TTC6: variants seen among roughly 807,000 people sequenced by gnomAD.
The protein encoded by TTC6 is tetratricopeptide repeat domain 6, also known as tetratricopeptide repeat protein 6.
A neutral mutation model predicts 210.4 loss-of-function variants in TTC6; 172 were observed. That is an observed-to-expected ratio of 0.82 (90% CI 0.72 to 0.93). The LOEUF (loss-of-function observed/expected upper bound fraction) is 0.93, where lower values mean the gene tolerates loss of function less well. Among genes scored for constraint, TTC6 ranks in the 40% least tolerant of loss-of-function variants. The pLI is 0.00. For synonymous variants in TTC6, 804 were observed against 819.6 expected (o/e 0.98, Z 0.32); for missense variants, 2,414 against 2,318.1 (o/e 1.04, Z -0.85).
chr14:37,781,199 G>A (rs748771833), intron 14 of TTC6, among the ~76,000 whole-genome samples: 5 of 152,224 alleles, frequency 3.3e-5, no homozygotes, highest in African/African-American at 7.2e-5. Flanking sequence ...TTGAGGAATT[G>A]CCACACTGTC....
At position 37,622,567 on chromosome 14, in the gene TTC6, A is replaced by G. The variant is rs566359483; in HGVS notation, c.503A>G (p.Glu168Gly). 11 of 1,534,406 alleles carry G rather than the reference A, an allele frequency of 7.2e-6. No homozygotes were observed. In the East Asian group the frequency reaches 2.7e-4, roughly 38 times the overall value. ...AAGCGCAGAGCGCGCGGGGTCTTGG[A>G]GAGCTCGCGGCACGCGGCTCCCAGG... The change falls in exon 1 of 31, where the codon GAG becomes GGG. Residue 168 changes from glutamate (E) to glycine (G), a missense_variant. Transcript: ENST00000553443.
chr14:37,706,406 G>A (rs12888451), intron 5 of TTC6, among the ~76,000 whole-genome samples: 8,711 of 152,054 alleles, frequency 0.057, 386 homozygotes, highest in Non-Finnish European at 0.09. Context: ...CAACATTGGA[G>A]TGCCCAGGCT....
Position 37,696,748 on chromosome 14 carries a change from G to GA in TTC6, c.1293dup (p.Glu432ArgfsTer3), listed in dbSNP as rs1355380590. On this transcript the variant is annotated frameshift_variant, in exon 4 of 31. Coordinates refer to ENST00000553443, the Ensembl canonical transcript of TTC6. LOFTEE classifies it high-confidence loss of function. ...TCACCAGAATTCTTGCAAATCGAAG[G>GA]AAAAGAAATTAAGCGAATGCGGAAA... is the stretch of plus-strand genomic sequence containing the variant. 6.8e-7 allele frequency: 1 copy of GA among 1,468,434 alleles called. No homozygotes were observed. The highest frequency in any genetic ancestry group is 9.0e-7 in the Non-Finnish European group (1 of 1,112,788). The allele number at this position is 1,468,434 out of a possible 1,614,324, so 91.0% of individuals were successfully genotyped here. A position where few individuals can be genotyped will look rare whatever the true frequency, so the allele number is the denominator to read the frequency against.
chr14:37,646,822 A>G (rs2095702534), intron 1 of TTC6, among the ~76,000 whole-genome samples: 1 of 152,304 alleles, frequency 6.6e-6, no homozygotes, highest in East Asian at 1.9e-4. Context: ...AACTATTCGC[A>G]TAGTTGCTAC....
At chr14:37,765,246 T>G (rs905206405) in intron 14 of TTC6, among the ~76,000 whole-genome samples, 2 of 151,910 alleles carry the variant, frequency 1.3e-5, no homozygotes, top group African/African-American at 4.8e-5. Flanking sequence ...TACTACAGTC[T>G]TGAACTCCTA....
Position 37,696,014 on chromosome 14 carries a change from C to A in TTC6, c.1258-703C>A, listed in dbSNP as rs548323234. On this transcript the variant is annotated intron_variant, in intron 3 of 30. Transcript: ENST00000553443. ...ATACCATACAGGAAATTCAGATTAC[C>A]AAGATGGTTAGGTGGAATGCTCTGT... 7.2e-5 allele frequency among the ~76,000 whole-genome samples: 11 copies of A among 152,192 alleles called. No homozygotes were observed. The East Asian group carries it at 2.1e-3, about 29-fold the overall frequency.
intron 7 of TTC6, among the ~76,000 whole-genome samples, chr14:37,733,873 C>T (rs2095894407): frequency 6.6e-6 from 1 of 152,018 alleles, no homozygotes; most frequent in Non-Finnish European, 1.5e-5. Context: ...ACAATTTCTT[C>T]TAACCTGTAT....
intron 14 of TTC6, among the ~76,000 whole-genome samples, chr14:37,773,213 G>A (rs2096026044): frequency 6.6e-6 from 1 of 152,114 alleles, no homozygotes; most frequent in South Asian, 2.1e-4. Context: ...CCATTCAGTA[G>A]GTTGTCTGTT....
chr14:37,792,376 A>G lies in TTC6; in HGVS notation c.3670A>G (p.Ile1224Val), dbSNP rs1397044217. ...GGCTATTAGAATTGATCCTTTATGT[A>G]TTCAAAGCTATCTTTGTCGGGCGGA... The change falls in exon 17 of 31, where the codon ATT becomes GTT. Residue 1224 changes from isoleucine (I) to valine (V), a missense_variant. Physicochemically the swap from Ile to Val is conservative, Grantham distance 29. Coordinates refer to ENST00000553443, the Ensembl canonical transcript of TTC6. 7.2e-6 allele frequency: 11 copies of G among 1,522,832 alleles called. No homozygotes were observed. In the Admixed American group the frequency reaches 1.0e-4, roughly 14 times the overall value. The allele number at this position is 1,522,832 out of a possible 1,614,324, so 94.3% of individuals were successfully genotyped here.
At chr14:37,709,225 T>C (rs1241693079) in intron 5 of TTC6, among the ~76,000 whole-genome samples, 1 of 152,086 alleles carries the variant, frequency 6.6e-6, no homozygotes, top group East Asian at 1.9e-4. Flanking sequence ...GAGTTGGTGA[T>C]ACATGTCACA....
chr14:37,596,064 C>T (rs1281665628), intron 1 of TTC6, 56 bp downstream of exon 1: 2 of 152,012 alleles, frequency 1.3e-5, no homozygotes. Context: ...TTTTGTTCCG[C>T]CTCGGTCCGC....
intron 20 of TTC6, among the ~76,000 whole-genome samples, chr14:37,804,071 T>C (rs1395034628): frequency 6.6e-6 from 1 of 152,366 alleles, no homozygotes; most frequent in East Asian, 1.9e-4. Flanking sequence ...AATGAGACTT[T>C]TTCATTCATG....
intron 10 of TTC6, among the ~76,000 whole-genome samples, chr14:37,744,902 G>A (rs139437878): frequency 3.3e-5 from 5 of 152,010 alleles, no homozygotes; most frequent in African/African-American, 9.7e-5. Context: ...TTCTTGGTTT[G>A]GGGTGATAGC....
chr14:37,667,497 C>G (rs1209601599), intron 1 of TTC6, among the ~76,000 whole-genome samples: 2 of 150,508 alleles, frequency 1.3e-5, no homozygotes, highest in Non-Finnish European at 3.0e-5. Flanking sequence ...AAGTAACTCT[C>G]CATTACTCAT....
intron 1 of TTC6, among the ~76,000 whole-genome samples, chr14:37,666,681 A>G (rs1362701692): frequency 6.7e-6 from 1 of 150,144 alleles, no homozygotes. Context: ...TGTTTGCTCA[A>G]TCTGTGAAAT....
intron 1 of TTC6, among the ~76,000 whole-genome samples, chr14:37,628,545 A>G (rs1022424032): frequency 6.6e-6 from 1 of 151,990 alleles, no homozygotes; most frequent in African/African-American, 2.4e-5. Flanking sequence ...ATTTTCTCCC[A>G]TTCTATAGGT....
intron 10 of TTC6, among the ~76,000 whole-genome samples, chr14:37,747,808 C>T (rs2095940536): frequency 6.6e-6 from 1 of 152,026 alleles, no homozygotes; most frequent in Admixed American, 6.6e-5. Context: ...GACATTTGGT[C>T]AGAAATATGA....
chr14:37,705,327 TTTGA>T (rs1328618780), intron 5 of TTC6, among the ~76,000 whole-genome samples: 1 of 152,134 alleles, frequency 6.6e-6, no homozygotes, highest in Non-Finnish European at 1.5e-5. Context: ...TAATTTCATT[TTTGA>T]TTATTTTTTT....
chr14:37,802,285 C>A (rs1033385846), intron 20 of TTC6: 1 of 152,108 alleles, frequency 6.6e-6, no homozygotes, highest in African/African-American at 2.4e-5. Context: ...CTAATGCGTG[C>A]TGGGCTTAAT....
Sources: allele counts gnomAD v4.1 joint callset (sites outside exome capture counted in the v4.1 genomes callset), GRCh38; gene constraint gnomAD v4.1.1; transcripts MANE v1.5; gene names NCBI Gene and HGNC (gene_info 2026-07-23, HGNC 2026-07-21).